EHBP1: variants seen among roughly 807,000 people sequenced by gnomAD.
EHBP1 encodes the protein EH domain-binding protein 1.
EHBP1 carries 55 observed loss-of-function variants against 144.0 expected under a neutral mutation model. That is an observed-to-expected ratio of 0.38 (90% CI 0.31 to 0.48). The LOEUF is 0.48. Ranked by LOEUF, EHBP1 falls within the 20% of genes least tolerant of loss-of-function variation. EHBP1 has a pLI of 0.98. For missense variants in EHBP1, 1,200 were observed against 1,364.2 expected (o/e 0.88, Z 1.90); for synonymous variants, 469 against 472.7 (o/e 0.99, Z 0.10).
At chr2:62,872,662 A>G (rs752948639) in intron 9 of EHBP1, among the ~76,000 whole-genome samples, 2 of 152,122 alleles carry the variant, frequency 1.3e-5, no homozygotes, top group African/African-American at 2.4e-5. Context: ...TAGTATGTTC[A>G]CTATATTGTT....
intron 10 of EHBP1, among the ~76,000 whole-genome samples, chr2:62,876,170 G>T (rs1307909214): frequency 1.3e-5 from 2 of 152,080 alleles, no homozygotes; most frequent in East Asian, 3.9e-4. Flanking sequence ...CCATCCCTAA[G>T]TCATATGGTC....
At chr2:62,821,597 T>C (rs559787209) in intron 5 of EHBP1, among the ~76,000 whole-genome samples, 37 of 152,256 alleles carry the variant, frequency 2.4e-4, no homozygotes, top group African/African-American at 8.2e-4. Flanking sequence ...GGAGGATCGC[T>C]TGAGCCCTGT....
At chr2:62,747,346 C>T (rs1301423757) in intron 2 of EHBP1, 49 bp from the exon 3 acceptor site, 35 of 1,563,306 alleles carry the variant, frequency 2.2e-5, no homozygotes, top group Non-Finnish European at 2.9e-5. Context: ...TAAAATGAAA[C>T]TTTATTTATT....
intron 10 of EHBP1, among the ~76,000 whole-genome samples, chr2:62,905,147 A>T (rs1322297393): frequency 6.6e-6 from 1 of 152,136 alleles, no homozygotes; most frequent in African/African-American, 2.4e-5. Context: ...CCCTAACAGA[A>T]CAAACAGCAA....
intron 2 of EHBP1, among the ~76,000 whole-genome samples, chr2:62,735,855 TG>T (rs1043312868): frequency 9.2e-5 from 14 of 152,194 alleles, no homozygotes; most frequent in Non-Finnish European, 1.9e-4. Flanking sequence ...ACTCTCTTCT[TG>T]TTTGCATGGT....
At chr2:62,677,626 T>TC (rs910353847) in intron 1 of EHBP1, among the ~76,000 whole-genome samples, 7 of 151,982 alleles carry the variant, frequency 4.6e-5, no homozygotes, top group African/African-American at 1.7e-4. Context: ...CATCCCCACT[T>TC]CCCCCCACCT....
At chr2:62,674,764 G>A (rs1282957228) in intron 1 of EHBP1, among the ~76,000 whole-genome samples, 1 of 152,186 alleles carries the variant, frequency 6.6e-6, no homozygotes, top group East Asian at 1.9e-4. Flanking sequence ...AAAAAAGCAG[G>A]AAGGGCTGGA....
In EHBP1 at chr2:62,990,726, T is replaced by C; in HGVS notation, c.2619T>C (p.Ser873=). ...TTGCATATTTAACAGAACAAAACAG[T>C]AAGTTGGTGGACTTGAAGCTGAAGA... ...ERSKASGEQN[S]KLVDLKLKKL... The change falls in exon 16 of 23, where the codon AGT becomes AGC. Residue 873 remains serine, a synonymous_variant. Transcript: ENST00000431489. 1.9e-6 allele frequency: 3 copies of C among 1,613,800 alleles called. No individual in the cohort carries two copies. The highest frequency in any genetic ancestry group is 1.1e-5 in the South Asian group (1 of 91,078).
chr2:62,822,028 G>C (rs1303377604), intron 5 of EHBP1, among the ~76,000 whole-genome samples: 1 of 152,010 alleles, frequency 6.6e-6, no homozygotes, highest in Non-Finnish European at 1.5e-5. Context: ...AATTATTACT[G>C]ACTATAGTCA....
chr2:63,020,005 A>G (rs1331790181), intron 19 of EHBP1, among the ~76,000 whole-genome samples: 1 of 151,838 alleles, frequency 6.6e-6, no homozygotes. Flanking sequence ...CCTGGCCAAC[A>G]TGGTGAAACC....
intron 1 of EHBP1, among the ~76,000 whole-genome samples, chr2:62,697,632 A>G (rs2034146882): frequency 6.6e-6 from 1 of 152,222 alleles, no homozygotes; most frequent in Non-Finnish European, 1.5e-5. Context: ...TGTCTTTTTT[A>G]TGTGCTGCAT....
At chr2:62,818,150 G>C (rs1021650044) in intron 5 of EHBP1, among the ~76,000 whole-genome samples, 5 of 142,620 alleles carry the variant, frequency 3.5e-5, no homozygotes, top group South Asian at 2.4e-4. Context: ...CTTGCAGGCT[G>C]GAAGTTGCTC....
intron 19 of EHBP1, among the ~76,000 whole-genome samples, chr2:62,997,427 CATGTGTGT>C (rs1331496737): frequency 0.034 from 4,753 of 139,928 alleles, 112 homozygotes; most frequent in Middle Eastern, 0.063. Flanking sequence ...GAAAGGAACT[CATGTGTGT>C]GTGTGTGTGT....
At chr2:62,905,426 A>G (rs558797150) in intron 10 of EHBP1, among the ~76,000 whole-genome samples, 3 of 152,324 alleles carry the variant, frequency 2.0e-5, no homozygotes, top group South Asian at 4.1e-4. Flanking sequence ...CTAGACAGGG[A>G]CTAGACCATG....
intron 14 of EHBP1, among the ~76,000 whole-genome samples, chr2:62,974,889 G>A (rs1368130059): frequency 6.6e-6 from 1 of 151,960 alleles, no homozygotes; most frequent in East Asian, 1.9e-4. Context: ...AGTTATTATT[G>A]CTGTGTAAGA....
At chr2:62,862,404 T>C (rs1573772926) in intron 8 of EHBP1, among the ~76,000 whole-genome samples, 1 of 151,164 alleles carries the variant, frequency 6.6e-6, no homozygotes, top group Non-Finnish European at 1.5e-5. Context: ...AGGTCAGGAG[T>C]TCAAGACCAG....
chr2:62,994,559 C>A (rs942462762), intron 18 of EHBP1, among the ~76,000 whole-genome samples: 4 of 152,094 alleles, frequency 2.6e-5, no homozygotes, highest in Non-Finnish European at 4.4e-5. Context: ...AGGGAGAAAG[C>A]TGCTTTTGAT....
chr2:62,874,732 G>A (rs1291619713), intron 10 of EHBP1, among the ~76,000 whole-genome samples, 200 bp downstream of exon 10: 3 of 152,144 alleles, frequency 2.0e-5, no homozygotes, highest in Non-Finnish European at 4.4e-5. Context: ...GGATGGCTTG[G>A]GTTAAGATTG....
intron 14 of EHBP1, among the ~76,000 whole-genome samples, chr2:62,958,064 C>T (rs1368049669): frequency 1.3e-5 from 2 of 152,082 alleles, no homozygotes; most frequent in African/African-American, 4.8e-5. Flanking sequence ...AAAAGACTGA[C>T]AGTAACAAGT....
Sources: gnomAD v4.1 joint callset for allele counts (sites outside exome capture counted in the v4.1 genomes callset) on GRCh38, gnomAD v4.1.1 for gene constraint, MANE v1.5 for transcripts, NCBI Gene and HGNC (gene_info 2026-07-23, HGNC 2026-07-21) for gene names.